Variants in PDE11A observed in about 807,000 individuals in gnomAD.
The protein encoded by PDE11A is phosphodiesterase 11A.
PDE11A carries 100 observed loss-of-function variants against 100.5 expected under a neutral mutation model. That is an observed-to-expected ratio of 1.00 (90% CI 0.85 to 1.18). PDE11A has a LOEUF of 1.18. Ranked by LOEUF, PDE11A falls within the 50% of genes most tolerant of loss-of-function variation. The probability of loss-of-function intolerance (pLI) is 0.00; values close to 1 mark genes in which losing one functional copy is unlikely to be tolerated. For missense variants in PDE11A, 1,141 were observed against 1,152.6 expected (o/e 0.99, Z 0.15); for synonymous variants, 381 against 420.8 (o/e 0.91, Z 1.16).
intron 1 of PDE11A, among the ~76,000 whole-genome samples, chr2:178,067,643 C>T (rs970383991): frequency 2.6e-5 from 4 of 152,158 alleles, no homozygotes; most frequent in African/African-American, 9.7e-5. Context: ...AGCCCAGTCA[C>T]AAAGTGACTC....
At chr2:177,744,453 G>A (rs912891286) in intron 10 of PDE11A, among the ~76,000 whole-genome samples, 4 of 152,052 alleles carry the variant, frequency 2.6e-5, no homozygotes, top group African/African-American at 9.7e-5. Flanking sequence ...GAAGAGAAAG[G>A]ACATCTCGCA....
chr2:177,641,724 C>A (rs2080146464), intron 19 of PDE11A, among the ~76,000 whole-genome samples: 1 of 152,198 alleles, frequency 6.6e-6, no homozygotes, highest in Admixed American at 6.5e-5. Context: ...TAATGGTGAA[C>A]ACAGAAGGAA....
intron 9 of PDE11A, among the ~76,000 whole-genome samples, chr2:177,810,167 T>C (rs928519933): frequency 1.3e-5 from 2 of 152,232 alleles, no homozygotes; most frequent in Non-Finnish European, 2.9e-5. Context: ...TCAGCAAGAC[T>C]GCCACTAAGA....
At chr2:177,984,781 G>T (rs866040688) in intron 2 of PDE11A, among the ~76,000 whole-genome samples, 23 of 152,164 alleles carry the variant, frequency 1.5e-4, no homozygotes, top group Admixed American at 3.3e-4. Context: ...AAGTTAATTT[G>T]CCAAGTACTA....
chr2:178,044,569 C>A (rs2086726267), intron 1 of PDE11A, among the ~76,000 whole-genome samples: 1 of 151,782 alleles, frequency 6.6e-6, no homozygotes, highest in Admixed American at 6.6e-5. Flanking sequence ...ATAAGAAGTT[C>A]TTGGGAGGTA....
chr2:177,749,804 T>G (rs2082002965), intron 10 of PDE11A, among the ~76,000 whole-genome samples: 1 of 152,238 alleles, frequency 6.6e-6, no homozygotes, highest in African/African-American at 2.4e-5. Flanking sequence ...TAGTTTAGTT[T>G]AACATGATTT....
At chr2:178,013,787 A>C (rs2086300192) in intron 2 of PDE11A, among the ~76,000 whole-genome samples, 1 of 152,176 alleles carries the variant, frequency 6.6e-6, no homozygotes, top group Admixed American at 6.5e-5. Flanking sequence ...CATTACTTCC[A>C]CCAAGGTCAA....
chr2:177,923,824 T>C lies in PDE11A; in HGVS notation c.1072-18637A>G, dbSNP rs146929155. ...GATTTCATAAAATTTGAAATCTACT[T>C]CTAAAAATATTCCGGAATTCTTAAG... is the stretch of plus-strand genomic sequence containing the variant. On this transcript the variant is annotated intron_variant, in intron 2 of 19. Transcript: ENST00000286063. 6.8e-4 allele frequency among the ~76,000 whole-genome samples: 103 copies of C among 152,318 alleles called. 2 individuals carry two copies. The East Asian group carries it at 0.016, about 24-fold the overall frequency.
chr2:177,689,160 G>T (rs112846486), intron 15 of PDE11A, among the ~76,000 whole-genome samples: 1,557 of 152,136 alleles, frequency 0.01, 27 homozygotes, highest in African/African-American at 0.035. Context: ...TCGGCTCACC[G>T]CAACCTCCTC....
intron 16 of PDE11A, chr2:177,675,826 A>AT (rs1478573456): frequency 4.3e-6 from 2 of 470,068 alleles, no homozygotes; most frequent in Non-Finnish European, 8.0e-6. Context: ...GCTTAAAATA[A>AT]TTTATAATGG....
At chr2:177,998,071 C>A in intron 2 of PDE11A, 1 of 1,306,880 alleles carries the variant, frequency 7.7e-7, no homozygotes, top group Non-Finnish European at 1.1e-6. Flanking sequence ...CCTGCCCACA[C>A]ACTCAGGATC....
chr2:177,968,141 C>A (rs2085722036), intron 2 of PDE11A, among the ~76,000 whole-genome samples: 1 of 152,104 alleles, frequency 6.6e-6, no homozygotes, highest in African/African-American at 2.4e-5. Flanking sequence ...ATCCCCTAGA[C>A]CTTGGTAACA....
intron 13 of PDE11A, among the ~76,000 whole-genome samples, chr2:177,710,370 C>T (rs2081342004): frequency 6.7e-6 from 1 of 150,082 alleles, no homozygotes; most frequent in Admixed American, 6.6e-5. Flanking sequence ...GCGGGGGAGG[C>T]GGGGGAGCAG....
intron 2 of PDE11A, among the ~76,000 whole-genome samples, chr2:177,962,721 C>T (rs984532058): frequency 6.6e-6 from 1 of 151,978 alleles, no homozygotes; most frequent in African/African-American, 2.4e-5. Flanking sequence ...ACAGCAAATC[C>T]TAACAACATT....
intron 10 of PDE11A, among the ~76,000 whole-genome samples, chr2:177,753,454 C>T (rs1294584863): frequency 1.3e-5 from 2 of 151,944 alleles, no homozygotes; most frequent in Non-Finnish European, 2.9e-5. Context: ...TTAGAGTAGA[C>T]AGGTGGCACT....
At chr2:177,657,130 C>T (rs549041175) in intron 19 of PDE11A, among the ~76,000 whole-genome samples, 46 of 152,290 alleles carry the variant, frequency 3.0e-4, no homozygotes, top group African/African-American at 1.0e-3. Flanking sequence ...CTATAAATTA[C>T]ATAAAACCAA....
chr2:178,072,748 G>A lies in PDE11A; in HGVS notation c.-311C>T. On this transcript the variant is annotated 5_prime_UTR_variant, in exon 1 of 20. Transcript: ENST00000286063. ...TATCGCTGCTCCTGTTCTGGCTGCC[G>A]CCGCTGCTGCTGGAACTGCTGCTGT... The A allele has an allele frequency of 1.5e-6, 2 of 1,314,184 alleles. No individual in the cohort carries two copies. Among genetic ancestry groups the A allele is most frequent in the Non-Finnish European group, 9.8e-7 (1 of 1,024,538 alleles). The allele number at this position is 1,314,184 out of a possible 1,614,324, so 81.4% of individuals were successfully genotyped here.
chr2:178,084,372 TCA>T (rs1273039183), intron 2 of PDE11A, among the ~76,000 whole-genome samples: 3 of 152,358 alleles, frequency 2.0e-5, no homozygotes, highest in Admixed American at 6.5e-5. Context: ...TCAAATAATC[TCA>T]GTTATCTAAT....
At chr2:177,922,140 T>G (rs1037362816) in intron 2 of PDE11A, among the ~76,000 whole-genome samples, 15 of 152,148 alleles carry the variant, frequency 9.9e-5, no homozygotes, top group African/African-American at 2.7e-4. Flanking sequence ...CCTCTCTTTC[T>G]AAAAAATCTT....
Sources: gnomAD v4.1 joint callset for allele counts (sites outside exome capture counted in the v4.1 genomes callset) on GRCh38, gnomAD v4.1.1 for gene constraint, MANE v1.5 for transcripts, NCBI Gene and HGNC (gene_info 2026-07-23, HGNC 2026-07-21) for gene names.